UBE3B: variants seen among roughly 807,000 people sequenced by gnomAD.
The protein encoded by UBE3B is ubiquitin-protein ligase E3B.
A neutral mutation model predicts 132.3 loss-of-function variants in UBE3B; 80 were observed. The observed-to-expected ratio is 0.60, with a 90% confidence interval of 0.50 to 0.73. The LOEUF is 0.73. UBE3B is among the 30% of genes least tolerant of loss of function. The pLI, the probability that UBE3B is intolerant of heterozygous loss-of-function variation, is 0.00. For synonymous variants in UBE3B, 487 were observed against 520.4 expected (o/e 0.94, Z 0.87); for missense variants, 1,196 against 1,362.5 (o/e 0.88, Z 1.92).
chr12:109,539,842 A>G (rs908737410), downstream of UBE3B, among the ~76,000 whole-genome samples: 1 of 151,856 alleles, frequency 6.6e-6, no homozygotes, highest in Non-Finnish European at 1.5e-5. Flanking sequence ...AGCTTCCATT[A>G]TGCACTGGGG....
chr12:109,517,582 A>G (rs1592948030), intron 19 of UBE3B, among the ~76,000 whole-genome samples: 2 of 152,320 alleles, frequency 1.3e-5, no homozygotes, highest in South Asian at 2.1e-4. Context: ...TATCCATGCC[A>G]CAGCCTCCCC....
chr12:109,508,455 C>T, intron 15 of UBE3B: 1 of 937,958 alleles, frequency 1.1e-6, no homozygotes. Context: ...ACATTAGTCC[C>T]ATTTAGTTCC....
chr12:109,519,347 G>T (rs1881432795), intron 19 of UBE3B, among the ~76,000 whole-genome samples: 1 of 152,202 alleles, frequency 6.6e-6, no homozygotes, highest in East Asian at 1.9e-4. Context: ...TATAATCCTC[G>T]CATATCCACG....
chr12:109,523,919 A>G (rs1001001706), intron 21 of UBE3B, 59 bp from the exon 22 acceptor site: 75 of 1,605,562 alleles, frequency 4.7e-5, no homozygotes, highest in Non-Finnish European at 5.4e-5. Context: ...AGCCACCCCA[A>G]TCCAAACACT....
intron 26 of UBE3B, among the ~76,000 whole-genome samples, chr12:109,531,257 C>G (rs1882912071): frequency 6.6e-6 from 1 of 152,138 alleles, no homozygotes; most frequent in Non-Finnish European, 1.5e-5. Flanking sequence ...GTTATGGTGT[C>G]TGTAAAAGTT....
At chr12:109,505,415 C>G (rs1879537588) in intron 14 of UBE3B, among the ~76,000 whole-genome samples, 1 of 152,202 alleles carries the variant, frequency 6.6e-6, no homozygotes, top group Non-Finnish European at 1.5e-5. Context: ...GCATTCTAGT[C>G]TACGCTACAT....
chr12:109,488,135 A>T (rs1436285047), intron 6 of UBE3B, among the ~76,000 whole-genome samples: 1 of 152,230 alleles, frequency 6.6e-6, no homozygotes. Flanking sequence ...CAGATGAGGA[A>T]ACCGAGGCAC....
chr12:109,510,446 A>G lies in UBE3B; in HGVS notation c.1844A>G (p.His615Arg). 2 of 1,611,194 alleles carry G rather than the reference A, an allele frequency of 1.2e-6. No homozygotes were observed. The highest frequency in any genetic ancestry group is 1.7e-6 in the Non-Finnish European group (2 of 1,178,996). Residue 615 changes from histidine to arginine, a missense_variant, in exon 17 of 28, where the codon CAC becomes CGC. Transcript: ENST00000342494. Reference protein sequence around the residue: ...DCRRRFTPEDHWLRKDLKPSV... With the variant: ...DCRRRFTPEDRWLRKDLKPSV... ...CGGCGGCGCTTCACCCCCGAGGACCACTGGCTGCGAAAGTGAGCTCCAGGG... is the reference window on the plus strand; with the variant it reads ...CGGCGGCGCTTCACCCCCGAGGACCGCTGGCTGCGAAAGTGAGCTCCAGGG...
Position 109,507,735 on chromosome 12 carries a change from C to A in UBE3B, c.1622C>A (p.Thr541Lys). 1 of 1,610,822 alleles carries A rather than the reference C, an allele frequency of 6.2e-7. No homozygotes were observed. The highest frequency in any genetic ancestry group is 8.5e-7 in the Non-Finnish European group (1 of 1,178,240). ...TGTGACTGTTCGCGGCACCTCATCA[C>A]GTAGGTTGACTGCTGTGGGACTGAA... ...LFCDCSRHLITILDDIEVYEE... is the reference protein window; with the variant it reads ...LFCDCSRHLIKILDDIEVYEE... The change falls in exon 15 of 28, where the codon ACA becomes AAA. Residue 541 changes from threonine to lysine, a missense_variant and splice_region_variant. Thr to Lys is a moderately conservative substitution (Grantham distance 78, BLOSUM62 -1). Coordinates refer to ENST00000342494, the MANE Select transcript of UBE3B (RefSeq NM_130466.4).
chr12:109,499,732 A>G lies in UBE3B; in HGVS notation c.1040A>G (p.Lys347Arg). ...ACCCAGACGCTGTGCTACTGTCGGA[A>G]GTATGTGTCTCAGAAGAAGTCCAAC... ...LLTQTLCYCR[K>R]YVSQKKSNLT... Residue 347 changes from lysine to arginine, a missense_variant, in exon 12 of 28, where the codon AAG (lysine) becomes AGG (arginine). Lys to Arg is a conservative substitution (Grantham distance 26, BLOSUM62 2). Transcript: ENST00000342494. 6.2e-7 allele frequency: 1 copy of G among 1,613,236 alleles called. No homozygotes were observed. Among genetic ancestry groups the G allele is most frequent in the Non-Finnish European group, 8.5e-7 (1 of 1,179,500 alleles).
chr12:109,494,754 A>C (rs1367730533), intron 9 of UBE3B, among the ~76,000 whole-genome samples: 2 of 152,118 alleles, frequency 1.3e-5, no homozygotes, highest in African/African-American at 4.8e-5. Flanking sequence ...GTCTGGCCTC[A>C]TGCGGACTAA....
intron 18 of UBE3B, among the ~76,000 whole-genome samples, chr12:109,511,931 T>C (rs1212535689): frequency 1.3e-5 from 2 of 152,072 alleles, no homozygotes; most frequent in Non-Finnish European, 2.9e-5. Flanking sequence ...AAGAGATTTT[T>C]AAGGAGGCCT....
At chr12:109,529,719 G>A (rs1349095736) in intron 24 of UBE3B, among the ~76,000 whole-genome samples, 171 bp from the exon 25 acceptor site, 4 of 152,178 alleles carry the variant, frequency 2.6e-5, no homozygotes, top group African/African-American at 9.7e-5. Context: ...TGTGCAGTTC[G>A]TGAGTGCTGT....
intron 27 of UBE3B, chr12:109,533,898 G>A (rs1441894480): frequency 2.4e-5 from 32 of 1,332,564 alleles, no homozygotes; most frequent in Non-Finnish European, 3.2e-5. Context: ...GAGAGAGTGG[G>A]CTCAGGAGGC....
In UBE3B at chr12:109,527,982, A is replaced by T. The variant is rs140524384; in HGVS notation, c.2627+1566A>T. ...TGGGGGTGACAGTAGGTAGTCACTCACTCTCCCCACATAGGCACTGGCTGC... is the reference window on the plus strand; with the variant it reads ...TGGGGGTGACAGTAGGTAGTCACTCTCTCTCCCCACATAGGCACTGGCTGC... On this transcript the variant is annotated intron_variant, in intron 24 of 27. Transcript: ENST00000342494. Among the ~76,000 whole-genome samples the T allele has an allele frequency of 6.0e-3, 904 of 151,858 alleles. 3 individuals carry two copies. Among genetic ancestry groups the T allele is most frequent in the Admixed American group, 0.012 (178 of 15,264 alleles).
At position 109,483,786 on chromosome 12, in the gene UBE3B, T is replaced by TA. The variant is rs199720082; in HGVS notation, c.162-72dup. On this transcript the variant is annotated intron_variant, in intron 3 of 27. Transcript: ENST00000342494. ...TAGCAGATAAATGAGTTTTTTCTCA[T>TA]AAAGTGCTTGAAAAGCCTTCCAGGT... 4.5e-5 allele frequency: 71 copies of TA among 1,587,908 alleles called. 1 individual carries two copies. The East Asian group carries it at 1.6e-3, about 36-fold the overall frequency.
intron 26 of UBE3B, among the ~76,000 whole-genome samples, chr12:109,530,867 G>T (rs1412687854): frequency 1.3e-5 from 2 of 152,190 alleles, no homozygotes; most frequent in African/African-American, 2.4e-5. Context: ...GTGTGTCCCT[G>T]GCTGCAGGGA....
intron 24 of UBE3B, among the ~76,000 whole-genome samples, chr12:109,527,973 T>C (rs1029881761): frequency 7.2e-5 from 11 of 152,042 alleles, no homozygotes; most frequent in African/African-American, 2.4e-4. Context: ...TGACAGTAGG[T>C]AGTCACTCAC....
chr12:109,492,303 A>C (rs1877568967), intron 9 of UBE3B: 1 of 152,172 alleles, frequency 6.6e-6, no homozygotes, highest in South Asian at 2.1e-4. Context: ...CCACATTTCA[A>C]ATGCTCAGCG....
Sources: gnomAD v4.1 joint callset for allele counts (sites outside exome capture counted in the v4.1 genomes callset) on GRCh38, gnomAD v4.1.1 for gene constraint, MANE v1.5 for transcripts, NCBI Gene and HGNC (gene_info 2026-07-23, HGNC 2026-07-21) for gene names.